ASB3: variants seen among roughly 807,000 people sequenced by gnomAD.
The protein encoded by ASB3 is ankyrin repeat and SOCS box containing 3, also known as ankyrin repeat and SOCS box protein 3.
In ASB3, 41 loss-of-function variants were observed where a neutral mutation model predicts 54.5. The observed-to-expected ratio is 0.75, with a 90% CI of 0.59 to 0.98. The LOEUF (loss-of-function observed/expected upper bound fraction) is 0.98. Ranked by LOEUF, ASB3 falls within the 50% of genes least tolerant of loss-of-function variation. The probability of loss-of-function intolerance (pLI) is 0.00; values close to 1 mark genes in which losing one functional copy is unlikely to be tolerated. For missense variants in ASB3, 733 were observed against 620.0 expected (o/e 1.18, Z -1.94); for synonymous variants, 266 against 221.2 (o/e 1.20, Z -1.80).
At chr2:53,673,226 G>C (rs1023287163) in intron 9 of ASB3, among the ~76,000 whole-genome samples, 5 of 152,188 alleles carry the variant, frequency 3.3e-5, no homozygotes, top group Non-Finnish European at 7.4e-5. Context: ...CTGTTAAATT[G>C]AATCTCTTCA....
chr2:53,731,362 G>A (rs1671301487), intron 3 of ASB3, among the ~76,000 whole-genome samples: 1 of 152,040 alleles, frequency 6.6e-6, no homozygotes, highest in African/African-American at 2.4e-5. Context: ...CACCTGGGTT[G>A]CTGCACTGCA....
intron 7 of ASB3, among the ~76,000 whole-genome samples, chr2:53,704,483 T>C (rs1158877511): frequency 6.6e-6 from 1 of 152,210 alleles, no homozygotes; most frequent in Admixed American, 6.5e-5. Context: ...AGTCATGTGA[T>C]TGTAGGCAAT....
chr2:53,780,644 G>A (rs1382321257), intron 1 of ASB3, among the ~76,000 whole-genome samples: 1 of 152,102 alleles, frequency 6.6e-6, no homozygotes, highest in Non-Finnish European at 1.5e-5. Context: ...TGGGCATAGT[G>A]GCACATGTCT....
intron 3 of ASB3, among the ~76,000 whole-genome samples, chr2:53,748,842 C>A (rs919179771): frequency 3.3e-5 from 5 of 151,880 alleles, no homozygotes; most frequent in African/African-American, 1.2e-4. Flanking sequence ...AAGACATTCA[C>A]GAAAAAATTG....
At chr2:53,712,733 A>G (rs1670169127) in intron 7 of ASB3, among the ~76,000 whole-genome samples, 1 of 151,426 alleles carries the variant, frequency 6.6e-6, no homozygotes, top group Non-Finnish European at 1.5e-5. Flanking sequence ...AAAAAAGACC[A>G]TCATCATATT....
intron 7 of ASB3, among the ~76,000 whole-genome samples, chr2:53,712,773 C>T (rs912578842): frequency 1.3e-5 from 2 of 151,970 alleles, no homozygotes; most frequent in South Asian, 2.1e-4. Flanking sequence ...CACACAGGCG[C>T]GCGCGCGCGC....
intron 3 of ASB3, among the ~76,000 whole-genome samples, chr2:53,746,883 T>C (rs1672257467): frequency 6.6e-6 from 1 of 152,158 alleles, no homozygotes; most frequent in Non-Finnish European, 1.5e-5. Context: ...AAAAGATTTA[T>C]TTCTTAGTCA....
At chr2:53,689,061 G>A (rs986307034) in intron 9 of ASB3, among the ~76,000 whole-genome samples, 2 of 151,856 alleles carry the variant, frequency 1.3e-5, no homozygotes. Flanking sequence ...TTTTAAATAT[G>A]TCATAAATCC....
intron 9 of ASB3, among the ~76,000 whole-genome samples, chr2:53,679,262 T>C (rs1668239643): frequency 6.6e-6 from 1 of 152,210 alleles, no homozygotes; most frequent in Non-Finnish European, 1.5e-5. Flanking sequence ...CTACCAGACC[T>C]GCAGGGTTTT....
At position 53,757,576 on chromosome 2, in the gene ASB3, T is replaced by TC. The variant is rs1287261065; in HGVS notation, c.197-6636dup. On this transcript the variant is annotated intron_variant, in intron 2 of 9. Transcript: ENST00000263634. The stretch of plus-strand genomic sequence containing the variant: ...GAATCTACTTCCTCCGATCCCTGCC[T>TC]CCTAGGTACTAATGGTTCAGACTTC... Among the ~76,000 whole-genome samples, 4 of 152,352 alleles carry TC rather than the reference T, an allele frequency of 2.6e-5. No homozygotes were observed. In the East Asian group the frequency reaches 5.8e-4, roughly 22 times the overall value.
chr2:53,737,159 C>T (rs934735652), intron 3 of ASB3, among the ~76,000 whole-genome samples: 1 of 152,078 alleles, frequency 6.6e-6, no homozygotes, highest in Non-Finnish European at 1.5e-5. Flanking sequence ...GTAACTTACT[C>T]GGGTATTAAT....
intron 1 of ASB3, 71 bp from the exon 2 acceptor site, chr2:53,765,656 C>T: frequency 6.4e-7 from 1 of 1,567,826 alleles, no homozygotes; most frequent in South Asian, 1.1e-5. Flanking sequence ...GTCAGCAAAT[C>T]ACGGTGGGCC....
At chr2:53,726,735 T>G (rs1671020411) in intron 5 of ASB3, among the ~76,000 whole-genome samples, 1 of 151,700 alleles carries the variant, frequency 6.6e-6, no homozygotes, top group Non-Finnish European at 1.5e-5. Flanking sequence ...TCACTCTTGT[T>G]GCCCAGACTG....
chr2:53,694,040 T>A (rs761612566), intron 8 of ASB3, 26 bp from the exon 9 acceptor site: 1 of 1,608,402 alleles, frequency 6.2e-7, no homozygotes, highest in Non-Finnish European at 8.5e-7. Context: ...GTTAATATAA[T>A]ATTAGAAACA....
At chr2:53,718,907 C>G (rs1670545049) in intron 5 of ASB3, among the ~76,000 whole-genome samples, 1 of 151,894 alleles carries the variant, frequency 6.6e-6, no homozygotes, top group South Asian at 2.1e-4. Flanking sequence ...GGTCAGGGGT[C>G]ACTAGTTTTT....
intron 1 of ASB3, among the ~76,000 whole-genome samples, chr2:53,767,095 A>G (rs1313972033): frequency 3.9e-5 from 6 of 152,144 alleles, no homozygotes; most frequent in Admixed American, 3.3e-4. Context: ...AAAAGTGTAC[A>G]CCCCAAATTT....
chr2:53,688,096 C>T (rs1239760720), intron 9 of ASB3, among the ~76,000 whole-genome samples: 8 of 152,204 alleles, frequency 5.3e-5, no homozygotes, highest in Non-Finnish European at 8.8e-5. Context: ...GGATTACAGG[C>T]GTAAGCCACC....
intron 2 of ASB3, among the ~76,000 whole-genome samples, chr2:53,752,885 C>G (rs1409419844): frequency 2.0e-5 from 3 of 151,964 alleles, no homozygotes; most frequent in Non-Finnish European, 4.4e-5. Flanking sequence ...GGTCAGAGAC[C>G]TAGACCGATG....
At chr2:53,671,238 C>A (rs1667794203) in intron 9 of ASB3, among the ~76,000 whole-genome samples, 1 of 152,120 alleles carries the variant, frequency 6.6e-6, no homozygotes, top group South Asian at 2.1e-4. Flanking sequence ...TCATTAACTT[C>A]ATGAAGTATA....
Sources: allele counts gnomAD v4.1 joint callset (sites outside exome capture counted in the v4.1 genomes callset), GRCh38; gene constraint gnomAD v4.1.1; transcripts MANE v1.5; gene names NCBI Gene and HGNC (gene_info 2026-07-23, HGNC 2026-07-21).